The following HMGN2 variants were observed in gnomAD, a reference collection of about 807,000 sequenced individuals.
HMGN2 encodes high mobility group nucleosomal binding domain 2.
A neutral mutation model predicts 16.9 loss-of-function variants in HMGN2; 2 were observed. The ratio of observed to expected loss-of-function variants is 0.12; its 90% CI spans 0.05 to 0.37. HMGN2 has a LOEUF of 0.37. HMGN2 is among the 10% of genes least tolerant of loss of function. The pLI is 1.00. For missense variants in HMGN2, 90 were observed against 106.0 expected (o/e 0.85, Z 0.66); for synonymous variants, 31 against 34.9 (o/e 0.89, Z 0.39).
intron 2 of HMGN2, 47 bp from the exon 3 acceptor site, chr1:26,473,654 CAA>C (rs1557461240): frequency 6.2e-7 from 1 of 1,605,592 alleles, no homozygotes. Flanking sequence ...ACCAAACTTT[CAA>C]AGCGACTTAC....
Position 26,476,071 on chromosome 1 carries a change from A to G in HMGN2, c.*923A>G, listed in dbSNP as rs1176938845. The G allele has an allele frequency of 1.2e-5, 2 of 172,802 alleles. No homozygotes were observed. Among genetic ancestry groups the G allele is most frequent in the South Asian group, 1.2e-4 (1 of 8,568 alleles). 10.7% of individuals were successfully genotyped at this position (172,802 alleles called of 1,614,324 possible). On this transcript the variant is annotated 3_prime_UTR_variant, in exon 6 of 6. Transcript: ENST00000361427. ...CTTTGAGGTACTCCATGTACAGTCT[A>G]ATGATGATCTTTCACTGATTTATAG...
At chr1:26,473,849 CT>C in intron 3 of HMGN2, 117 bp downstream of exon 3, 2 of 1,055,492 alleles carry the variant, frequency 1.9e-6, no homozygotes. Flanking sequence ...ATTGCCTCTA[CT>C]TGGGACTCTT....
chr1:26,473,261 G>T (rs1397628771), intron 1 of HMGN2: 12 of 565,828 alleles, frequency 2.1e-5, no homozygotes, highest in Non-Finnish European at 3.1e-5. Context: ...GGGCTCCGCT[G>T]CCCTCCCCGG....
chr1:26,474,057 C>G (rs368459804), intron 3 of HMGN2, 28 bp from the exon 4 acceptor site: 1 of 1,601,504 alleles, frequency 6.2e-7, no homozygotes, highest in Non-Finnish European at 8.5e-7. Context: ...CTGATGTTCA[C>G]TTTTTCCTCT....
At position 26,473,448 on chromosome 1, in the gene HMGN2, C is replaced by T. The variant is rs752086404; in HGVS notation, c.16-35C>T. On this transcript the variant is annotated intron_variant, in intron 1 of 5. Coordinates refer to ENST00000361427, the MANE Select transcript of HMGN2 (RefSeq NM_005517.4). ...TTTGGGAAGTAATTAAGAACCACCTCAAAATCTGCAGTTTTTTGTTCTTGT... is the reference window on the plus strand; with the variant it reads ...TTTGGGAAGTAATTAAGAACCACCTTAAAATCTGCAGTTTTTTGTTCTTGT... 2.6e-6 allele frequency: 4 copies of T among 1,550,084 alleles called. No individual in the cohort carries two copies. The African/African-American group carries it at 5.4e-5, about 21-fold the overall frequency.
At position 26,474,076 on chromosome 1, in the gene HMGN2, C is replaced by CA. The variant is rs1357946633; in HGVS notation, c.91-2dup. The CA allele has an allele frequency of 3.7e-6, 6 of 1,608,108 alleles. No homozygotes were observed. Among genetic ancestry groups the CA allele is most frequent in the South Asian group, 1.1e-5 (1 of 90,222 alleles). On this transcript the variant is annotated splice_polypyrimidine_tract_variant and intron_variant, in intron 3 of 5. Transcript: ENST00000361427. ...TGTTCACTTTTTCCTCTCTTCCTGC[C>CA]AAAAAAAGAAACCTGCTCCTCCAAA...
At position 26,474,066 on chromosome 1, in the gene HMGN2, C is replaced by G. The variant is rs1448119756; in HGVS notation, c.91-19C>G. On this transcript the variant is annotated intron_variant, in intron 3 of 5. Transcript: ENST00000361427. ...ATTGTACTGATGTTCACTTTTTCCT[C>G]TCTTCCTGCCAAAAAAAGAAACCTG... The G allele has an allele frequency of 1.9e-6, 3 of 1,604,126 alleles. No individual in the cohort carries two copies. Among genetic ancestry groups the G allele is most frequent in the Non-Finnish European group, 2.6e-6 (3 of 1,176,182 alleles).
chr1:26,474,216 C>G, intron 4 of HMGN2, 81 bp downstream of exon 4: 5 of 1,012,850 alleles, frequency 4.9e-6, no homozygotes, highest in Non-Finnish European at 7.4e-6. Context: ...CATAATGGTG[C>G]CTCCATTAAT....
intron 2 of HMGN2, 40 bp from the exon 3 acceptor site, chr1:26,473,663 T>C: frequency 6.2e-7 from 1 of 1,610,500 alleles, no homozygotes; most frequent in East Asian, 2.2e-5. Context: ...TCAAAGCGAC[T>C]TACCTGTCCT....
Position 26,473,705 on chromosome 1 carries a change from A to T in HMGN2, c.63A>T (p.Pro21=), listed in dbSNP as rs774791048. 6.2e-7 allele frequency: 1 copy of T among 1,614,082 alleles called. No individual in the cohort carries two copies. The highest frequency in any genetic ancestry group is 8.5e-7 in the Non-Finnish European group (1 of 1,179,980). ...KGDKAKVKDE[P]QRRSARLSAK... is the part of the protein sequence containing the mutation. ...AACTTTCTCGTTGTCTTTAATAGCC[A>T]CAGAGAAGATCCGCGAGGTTGTCTG... is the stretch of plus-strand genomic sequence containing the variant. The change falls in exon 3 of 6, where the codon CCA becomes CCT. Residue 21 remains proline (P), a splice_region_variant and synonymous_variant. Transcript: ENST00000361427.
chr1:26,474,722 A>C, intron 5 of HMGN2, 55 bp downstream of exon 5: 1 of 854,644 alleles, frequency 1.2e-6, no homozygotes, highest in Non-Finnish European at 2.0e-6. Context: ...AGTTGCTGAT[A>C]TCAAAAATTT....
intron 1 of HMGN2, 196 bp from the exon 2 acceptor site, chr1:26,473,287 G>C (rs1375461153): frequency 3.4e-6 from 2 of 596,640 alleles, no homozygotes; most frequent in African/African-American, 1.9e-5. Context: ...CTCCGGTCCA[G>C]CCCTCGCTTC....
At chr1:26,474,294 G>A (rs554640140) in intron 4 of HMGN2, among the ~76,000 whole-genome samples, 159 bp downstream of exon 4, 3 of 152,172 alleles carry the variant, frequency 2.0e-5, no homozygotes, top group Non-Finnish European at 4.4e-5. Context: ...TCCTGATCAA[G>A]AATTCTGTTG....
rs1458078197 is a variant in HMGN2, at chr1:26,474,092, C to A, written c.98C>A (p.Ala33Asp). 6.2e-7 allele frequency: 1 copy of A among 1,611,354 alleles called. No homozygotes were observed. Among genetic ancestry groups the A allele is most frequent in the Admixed American group, 1.7e-5 (1 of 59,198 alleles). The change falls in exon 4 of 6, where the codon GCT becomes GAT. Residue 33 changes from alanine (A) to aspartate (D), a missense_variant. By Grantham distance (126) the Ala-to-Asp change is moderately radical. Coordinates refer to ENST00000361427, the MANE Select transcript of HMGN2 (RefSeq NM_005517.4). ...TCTTCCTGCCAAAAAAAGAAACCTG[C>A]TCCTCCAAAGCCAGAGCCCAAGCCT... Reference protein sequence around the residue: ...RRSARLSAKPAPPKPEPKPKK... With the variant: ...RRSARLSAKPDPPKPEPKPKK...
intron 2 of HMGN2, 68 bp downstream of exon 2, chr1:26,473,595 C>T (rs1557461218): frequency 5.8e-6 from 9 of 1,547,486 alleles, no homozygotes; most frequent in African/African-American, 1.4e-5. Flanking sequence ...GGTGATTAAC[C>T]GTAACCTGTG....
At position 26,474,550 on chromosome 1, in the gene HMGN2, T is replaced by A. The variant is rs149852497; in HGVS notation, c.142-22T>A. The A allele has an allele frequency of 5.9e-4, 685 of 1,152,270 alleles. 3 individuals carry two copies. The African/African-American group carries it at 9.1e-3, about 15-fold the overall frequency. The allele number at this position is 1,152,270 out of a possible 1,614,324, so 71.4% of individuals were successfully genotyped here. ...GTAATACGAAATGGGGAGAAACAGT[T>A]CTATTTTTTCCCCTTTTTCAGAAGG... On this transcript the variant is annotated intron_variant, in intron 4 of 5. Transcript: ENST00000361427.
At chr1:26,473,174 A>C in intron 1 of HMGN2, 2 of 359,572 alleles carry the variant, frequency 5.6e-6, no homozygotes, top group Non-Finnish European at 5.1e-6. Flanking sequence ...TGCCATAGCA[A>C]CGGCGCTGGG....
chr1:26,473,061 TGGCCCCG>T, intron 1 of HMGN2: 1 of 246,758 alleles, frequency 4.1e-6, no homozygotes, highest in Non-Finnish European at 7.8e-6. Flanking sequence ...TTGTGCGGTA[TGGCCCCG>T]CCCCCTCGCC....
chr1:26,474,251 C>T (rs1430731572), intron 4 of HMGN2, 116 bp downstream of exon 4: 2 of 725,742 alleles, frequency 2.8e-6, no homozygotes, highest in Non-Finnish European at 4.6e-6. Flanking sequence ...GTGTGGATAG[C>T]TTACCTCGTC....
Sources: gnomAD v4.1 joint callset for allele counts (sites outside exome capture counted in the v4.1 genomes callset) on GRCh38, gnomAD v4.1.1 for gene constraint, MANE v1.5 for transcripts, NCBI Gene and HGNC (gene_info 2026-07-23, HGNC 2026-07-21) for gene names.